BCKDHB: variants seen among roughly 807,000 people sequenced by gnomAD.
BCKDHB encodes branched chain keto acid dehydrogenase E1 subunit beta, also known as 2-oxoisovalerate dehydrogenase subunit beta, mitochondrial.
In BCKDHB, 41 loss-of-function variants were observed where a neutral mutation model predicts 48.5. The observed-to-expected ratio is 0.85, with a 90% confidence interval of 0.66 to 1.10. The LOEUF is 1.10. BCKDHB is among the 50% of genes least tolerant of loss of function. The pLI, the probability that BCKDHB is intolerant of heterozygous loss-of-function variation, is 0.00. For missense variants in BCKDHB, 496 were observed against 494.2 expected (o/e 1.00, Z -0.03); for synonymous variants, 201 against 174.8 (o/e 1.15, Z -1.18).
At chr6:80,280,154 T>C (rs749576737) in intron 9 of BCKDHB, among the ~76,000 whole-genome samples, 1 of 152,142 alleles carries the variant, frequency 6.6e-6, no homozygotes, top group African/African-American at 2.4e-5. Flanking sequence ...AGGAATTTGT[T>C]TTTATGTGGA....
intron 6 of BCKDHB, among the ~76,000 whole-genome samples, chr6:80,193,907 A>C (rs148836654): frequency 6.6e-6 from 1 of 152,168 alleles, no homozygotes; most frequent in South Asian, 2.1e-4. Flanking sequence ...AATATTCAGA[A>C]CTCAGTTAAA....
chr6:80,333,003 G>A (rs772393456), intron 9 of BCKDHB, among the ~76,000 whole-genome samples: 3 of 151,640 alleles, frequency 2.0e-5, no homozygotes, highest in Non-Finnish European at 4.4e-5. Flanking sequence ...CCCAATGACC[G>A]ACCCCCTAGC....
chr6:80,303,060 A>G (rs1488250478), intron 9 of BCKDHB, among the ~76,000 whole-genome samples: 4 of 152,146 alleles, frequency 2.6e-5, no homozygotes, highest in Non-Finnish European at 5.9e-5. Flanking sequence ...TAAAAGTAGG[A>G]AGTAAAGTCA....
intron 3 of BCKDHB, among the ~76,000 whole-genome samples, chr6:80,147,186 C>A (rs1003724823): frequency 6.6e-6 from 1 of 152,110 alleles, no homozygotes; most frequent in South Asian, 2.1e-4. Flanking sequence ...TTTGCAGATA[C>A]AGAAACTAAT....
chr6:80,292,106 T>C (rs1766952469), intron 9 of BCKDHB, among the ~76,000 whole-genome samples: 1 of 152,150 alleles, frequency 6.6e-6, no homozygotes. Flanking sequence ...ATTTTGTTAC[T>C]TACCACAGGT....
the BCKDHB span, among the ~76,000 whole-genome samples, chr6:80,431,115 T>C: frequency 1.3e-5 from 2 of 152,190 alleles, no homozygotes; most frequent in Non-Finnish European, 2.9e-5. Context: ...TCAGTTTCCA[T>C]ATAGTTGTGT....
the BCKDHB span, among the ~76,000 whole-genome samples, chr6:80,374,870 G>C: frequency 2.0e-5 from 3 of 152,228 alleles, no homozygotes; most frequent in South Asian, 2.1e-4. Flanking sequence ...CCCAGCATTT[G>C]TTTGTCTGGA....
At chr6:80,392,083 C>CT in the BCKDHB span, among the ~76,000 whole-genome samples, 1 of 152,110 alleles carries the variant, frequency 6.6e-6, no homozygotes, top group African/African-American at 2.4e-5. Flanking sequence ...ACCTCCACCT[C>CT]CCAGGTTCAA....
chr6:80,348,097 C>A (rs1176724926), downstream of BCKDHB, among the ~76,000 whole-genome samples: 1 of 151,928 alleles, frequency 6.6e-6, no homozygotes, highest in Non-Finnish European at 1.5e-5. Flanking sequence ...AACTAAAAGA[C>A]CTGTGTACAT....
rs1770148184 is a variant in BCKDHB, at chr6:80,345,354, C to T, written c.*1550C>T. ...GCAAAATCAACTCTGTATAATAGCA[C>T]ATTCTCTACTTTTTAAAGATCAGAA... On this transcript the variant is annotated 3_prime_UTR_variant, in exon 10 of 10. Transcript: ENST00000320393. 1 of 152,160 alleles carries T rather than the reference C, an allele frequency of 6.6e-6. No homozygotes were observed. Among genetic ancestry groups the T allele is most frequent in the Admixed American group, 6.5e-5 (1 of 15,278 alleles). The allele number at this position is 152,160 out of a possible 1,614,324, so 9.4% of individuals were successfully genotyped here. A position where few individuals can be genotyped will look rare whatever the true frequency, so the allele number is the denominator to read the frequency against.
chr6:80,151,843 G>C (rs1441162233), intron 3 of BCKDHB, among the ~76,000 whole-genome samples: 1 of 152,108 alleles, frequency 6.6e-6, no homozygotes, highest in Non-Finnish European at 1.5e-5. Flanking sequence ...TGTCCTCCTT[G>C]GTGAATGACG....
chr6:80,414,448 C>T, the BCKDHB span, among the ~76,000 whole-genome samples: 42 of 152,104 alleles, frequency 2.8e-4, no homozygotes, highest in African/African-American at 9.9e-4. Flanking sequence ...AGTCCTTAAT[C>T]TATCTTAATT....
chr6:80,205,791 G>GGGGTGTGTGT (rs1554195542), intron 8 of BCKDHB, among the ~76,000 whole-genome samples: 6 of 135,106 alleles, frequency 4.4e-5, no homozygotes, highest in African/African-American at 1.4e-4. Flanking sequence ...CTGTGCCATG[G>GGGGTGTGTGT]GTGTGTGTGT....
At chr6:80,178,145 T>A (rs1236665236) in intron 6 of BCKDHB, among the ~76,000 whole-genome samples, 2 of 152,194 alleles carry the variant, frequency 1.3e-5, no homozygotes, top group Non-Finnish European at 2.9e-5. Flanking sequence ...TCTCAGCCAT[T>A]CTGATTTCTT....
At chr6:80,343,439 T>C (rs913483661) in intron 9 of BCKDHB, 2 of 571,438 alleles carry the variant, frequency 3.5e-6, no homozygotes, top group African/African-American at 3.8e-5. Context: ...ACAATAGATA[T>C]ATATACAGGT....
intron 6 of BCKDHB, among the ~76,000 whole-genome samples, chr6:80,180,816 C>T (rs1773377467): frequency 6.6e-6 from 1 of 152,152 alleles, no homozygotes; most frequent in Admixed American, 6.5e-5. Context: ...TTGTATTTTA[C>T]ATTAAGCAGA....
chr6:80,209,956 G>T (rs1774840614), intron 8 of BCKDHB, among the ~76,000 whole-genome samples: 1 of 151,882 alleles, frequency 6.6e-6, no homozygotes, highest in Non-Finnish European at 1.5e-5. Flanking sequence ...AGAAATATGG[G>T]TAACAGTCTT....
the BCKDHB span, among the ~76,000 whole-genome samples, chr6:80,370,788 TATATAGC>T: frequency 7.7e-6 from 1 of 129,292 alleles, no homozygotes; most frequent in South Asian, 3.4e-4. Context: ...TGTGTGTGTA[TATATAGC>T]GTGTGTGTGT....
the BCKDHB span, among the ~76,000 whole-genome samples, chr6:80,447,730 A>C: frequency 2.0e-4 from 31 of 152,248 alleles, no homozygotes; most frequent in South Asian, 6.0e-3. Flanking sequence ...GAGTGGGGGA[A>C]GTCTGACTTC....
Sources: gnomAD v4.1 joint callset for allele counts (sites outside exome capture counted in the v4.1 genomes callset) on GRCh38, gnomAD v4.1.1 for gene constraint, MANE v1.5 for transcripts, NCBI Gene and HGNC (gene_info 2026-07-23, HGNC 2026-07-21) for gene names.